The following GRID2 variants were observed in gnomAD, a reference collection of about 807,000 sequenced individuals.
The protein encoded by GRID2 is glutamate receptor ionotropic, delta-2.
A neutral mutation model predicts 114.8 loss-of-function variants in GRID2; 33 were observed. That is an observed-to-expected ratio of 0.29 (90% CI 0.22 to 0.38). GRID2 has a LOEUF of 0.38. Ranked by LOEUF, GRID2 falls within the 10% of genes least tolerant of loss-of-function variation. The pLI is 1.00. For synonymous variants in GRID2, 505 were observed against 449.9 expected (o/e 1.12, Z -1.55); for missense variants, 1,184 against 1,257.7 (o/e 0.94, Z 0.89).
intron 2 of GRID2, among the ~76,000 whole-genome samples, chr4:92,735,083 G>A (rs934726324): frequency 6.6e-6 from 1 of 151,450 alleles, no homozygotes; most frequent in Non-Finnish European, 1.5e-5. Context: ...CTAACCTGAT[G>A]GTTATATTTC....
intron 8 of GRID2, among the ~76,000 whole-genome samples, chr4:93,327,283 C>T (rs911427596): frequency 6.6e-6 from 1 of 152,160 alleles, no homozygotes; most frequent in Admixed American, 6.5e-5. Context: ...TTCAAACAGA[C>T]ATTAAAGGTC....
intron 4 of GRID2, among the ~76,000 whole-genome samples, chr4:93,190,385 C>A (rs914115502): frequency 2.0e-5 from 3 of 152,062 alleles, no homozygotes; most frequent in African/African-American, 7.2e-5. Context: ...AAATCTTATT[C>A]TTTATCCAAG....
chr4:93,354,671 CGTGTGTGTGTGTGTGTGTGTGT>C (rs35452796), intron 8 of GRID2, among the ~76,000 whole-genome samples: 2 of 130,284 alleles, frequency 1.5e-5, no homozygotes, highest in East Asian at 2.3e-4. Flanking sequence ...GTGGCTCATC[CGTGTGTGTGTGTGTGTGTGTGT>C]GTGTGTGTGT....
intron 1 of GRID2, among the ~76,000 whole-genome samples, chr4:92,453,605 T>C (rs1370720424): frequency 6.6e-6 from 1 of 152,168 alleles, no homozygotes; most frequent in Non-Finnish European, 1.5e-5. Context: ...ATTTCTTTCA[T>C]TTATGTTTTA....
chr4:92,465,098 G>A (rs1721685042), intron 1 of GRID2, among the ~76,000 whole-genome samples: 1 of 152,050 alleles, frequency 6.6e-6, no homozygotes, highest in Non-Finnish European at 1.5e-5. Flanking sequence ...TATAGCCTGT[G>A]GAACTCTGAG....
chr4:93,759,739 C>T (rs1285038517), intron 14 of GRID2, among the ~76,000 whole-genome samples: 1 of 152,190 alleles, frequency 6.6e-6, no homozygotes, highest in Admixed American at 6.5e-5. Flanking sequence ...GATTAATGAA[C>T]TCATGAGATA....
At chr4:92,969,438 T>A (rs1753361186) in intron 2 of GRID2, among the ~76,000 whole-genome samples, 1 of 151,544 alleles carries the variant, frequency 6.6e-6, no homozygotes, top group South Asian at 2.1e-4. Context: ...ATTAAGAGAA[T>A]GTTTTGGGGA....
chr4:93,140,160 C>CTTTTTTTTT (rs10684978), intron 4 of GRID2, among the ~76,000 whole-genome samples: 8 of 128,266 alleles, frequency 6.2e-5, no homozygotes, highest in African/African-American at 1.5e-4. Context: ...CTTTTCTTTT[C>CTTTTTTTTT]TTTTTTTTTT....
chr4:92,943,566 T>C (rs1273130987), intron 2 of GRID2, among the ~76,000 whole-genome samples: 2 of 151,928 alleles, frequency 1.3e-5, no homozygotes, highest in Non-Finnish European at 2.9e-5. Flanking sequence ...TCTGAAGCCT[T>C]CTTCTCTCAA....
intron 8 of GRID2, among the ~76,000 whole-genome samples, chr4:93,324,886 C>T (rs1206488396): frequency 1.3e-5 from 2 of 151,878 alleles, no homozygotes; most frequent in East Asian, 3.9e-4. Context: ...GGTGATATCC[C>T]CTTTATCGTT....
intron 2 of GRID2, among the ~76,000 whole-genome samples, chr4:92,612,153 A>C (rs1468115286): frequency 6.6e-6 from 1 of 151,448 alleles, no homozygotes; most frequent in African/African-American, 2.4e-5. Flanking sequence ...GTGTTTGAGT[A>C]TGGTATGAGG....
chr4:92,797,136 A>G (rs1277451525), intron 2 of GRID2, among the ~76,000 whole-genome samples: 6 of 151,886 alleles, frequency 4.0e-5, no homozygotes, highest in East Asian at 1.9e-4. Flanking sequence ...CTTGACTTTT[A>G]TCTGCTTCTT....
chr4:92,532,716 T>C (rs1024704268), intron 1 of GRID2, among the ~76,000 whole-genome samples: 1 of 152,180 alleles, frequency 6.6e-6, no homozygotes, highest in African/African-American at 2.4e-5. Context: ...AGCTAAGTCA[T>C]GTAAATGTAA....
In GRID2 at chr4:92,381,680, A is replaced by C. The variant is rs766550251; in HGVS notation, c.88+76936A>C. Among the ~76,000 whole-genome samples, 12 of 152,128 alleles carry C rather than the reference A, an allele frequency of 7.9e-5. No homozygotes were observed. The East Asian group carries it at 2.3e-3, about 29-fold the overall frequency. On this transcript the variant is annotated intron_variant, in intron 1 of 15. Coordinates refer to ENST00000282020, the MANE Select transcript of GRID2 (RefSeq NM_001510.4). ...TTTGCAAAGAATTAACCATCACCAT[A>C]TGGAAGTACTGTGGAGTTTAATTTC...
chr4:92,743,869 C>A (rs1345760588), intron 2 of GRID2, among the ~76,000 whole-genome samples: 1 of 152,168 alleles, frequency 6.6e-6, no homozygotes, highest in African/African-American at 2.4e-5. Flanking sequence ...GACAGAAGAT[C>A]TGTAAATAGA....
chr4:92,825,878 T>C (rs899811522), intron 2 of GRID2, among the ~76,000 whole-genome samples: 8 of 152,152 alleles, frequency 5.3e-5, no homozygotes, highest in Non-Finnish European at 1.0e-4. Context: ...CTGGAGCCCA[T>C]GTTAGGAGAA....
intron 1 of GRID2, among the ~76,000 whole-genome samples, chr4:92,455,013 C>A (rs1291646595): frequency 1.3e-5 from 2 of 152,086 alleles, no homozygotes; most frequent in African/African-American, 2.4e-5. Context: ...TACTGTATGT[C>A]TAGCTGTAAA....
rs78356434 is a variant in GRID2 at position 93,585,564 on chromosome 4, C to G, written c.2194-40705C>G. On this transcript the variant is annotated intron_variant, in intron 13 of 15. Coordinates refer to ENST00000282020, the MANE Select transcript of GRID2 (RefSeq NM_001510.4). Reference sequence around the variant, plus strand: ...ATGAGGTCCATTTGTAAACTGCTTTCTTGTGGGGCATTGTCCTCATAAAAT... The same window carrying G: ...ATGAGGTCCATTTGTAAACTGCTTTGTTGTGGGGCATTGTCCTCATAAAAT... Among the ~76,000 whole-genome samples, 1,167 of 152,184 alleles carry G rather than the reference C, an allele frequency of 7.7e-3. 15 individuals are homozygous for G. The highest frequency in any genetic ancestry group is 0.027 in the African/African-American group (1,122 of 41,550).
At chr4:92,701,151 A>G (rs1170743423) in intron 2 of GRID2, among the ~76,000 whole-genome samples, 1 of 152,202 alleles carries the variant, frequency 6.6e-6, no homozygotes, top group Non-Finnish European at 1.5e-5. Flanking sequence ...TTTCTCATCT[A>G]TGAAATGAAG....
Sources: allele counts gnomAD v4.1 joint callset (sites outside exome capture counted in the v4.1 genomes callset), GRCh38; gene constraint gnomAD v4.1.1; transcripts MANE v1.5; gene names NCBI Gene and HGNC (gene_info 2026-07-23, HGNC 2026-07-21).